The following CFAP58 variants were observed in gnomAD, a reference collection of about 807,000 sequenced individuals.
CFAP58 encodes cilia- and flagella-associated protein 58.
Under a neutral mutation model 119.5 loss-of-function variants are expected in CFAP58, and 88 were observed. The observed-to-expected ratio is 0.74, with a 90% CI of 0.62 to 0.88. The LOEUF is 0.88. Among genes scored for constraint, CFAP58 ranks in the 40% least tolerant of loss-of-function variants. The pLI, the probability that CFAP58 is intolerant of heterozygous loss-of-function variation, is 0.00. For missense variants in CFAP58, 990 were observed against 1,021.2 expected, an observed-to-expected ratio of 0.97 and a Z score of 0.42; for synonymous variants, 365 against 366.3, an observed-to-expected ratio of 1.00 and a Z score of 0.04.
chr10:104,449,058 G>A (rs1396359985), intron 16 of CFAP58, among the ~76,000 whole-genome samples: 1 of 152,044 alleles, frequency 6.6e-6, no homozygotes, highest in Admixed American at 6.6e-5. Context: ...TACTGAGCAT[G>A]TCTGCCAGTT....
rs375396802 is a variant in CFAP58, at chr10:104,399,467, G to A, written c.1782G>A (p.Gly594=). The part of the protein sequence containing the change: ...KLLRIIAEAD[G]ERLRQKKELD... ...TGCGAATAATTGCTGAGGCTGACGG[G>A]GAGAGGTTGAGACAGAAGAAGGAAT... The change falls in exon 12 of 18, where the codon GGG becomes GGA. Residue 594 remains glycine (G), a synonymous_variant. Coordinates refer to ENST00000369704, the MANE Select transcript of CFAP58 (RefSeq NM_001008723.2). The A allele has an allele frequency of 1.2e-6, 2 of 1,613,778 alleles. No individual in the cohort carries two copies. Among genetic ancestry groups the A allele is most frequent in the Non-Finnish European group, 1.7e-6 (2 of 1,179,882 alleles).
In CFAP58 at chr10:104,358,496, C is replaced by G; in HGVS notation, c.165C>G (p.Asp55Glu). The change falls in exon 2 of 18, where the codon GAC (aspartate) becomes GAG (glutamate). Residue 55 changes from aspartate to glutamate, a missense_variant. Physicochemically the swap from Asp to Glu is conservative, Grantham distance 45. Transcript: ENST00000369704. ...RLHAVMKKSYDNEKRLMAKCR... is the reference protein window; with the variant it reads ...RLHAVMKKSYENEKRLMAKCR... The stretch of plus-strand genomic sequence containing the variant: ...ATGCTGTCATGAAAAAGTCTTATGA[C>G]AATGAAAAGCGTCTGATGGCCAAAT... The G allele has an allele frequency of 6.2e-7, 1 of 1,614,050 alleles. No individual in the cohort carries two copies. Among genetic ancestry groups the G allele is most frequent in the African/African-American group, 1.3e-5 (1 of 74,998 alleles).
At chr10:104,348,931 CCA>C (rs1332963385), upstream of CFAP58, among the ~76,000 whole-genome samples, 1 of 152,066 alleles carries the variant, frequency 6.6e-6, no homozygotes, top group Non-Finnish European at 1.5e-5. Context: ...TAACAAAATA[CCA>C]CAGACTGGGT....
chr10:104,447,825 G>A lies in CFAP58; in HGVS notation c.2376+8G>A, dbSNP rs1467744907. 6.2e-7 allele frequency: 1 copy of A among 1,607,138 alleles called. No homozygotes were observed. The highest frequency in any genetic ancestry group is 2.2e-5 in the East Asian group (1 of 44,656). On this transcript the variant is annotated splice_region_variant and intron_variant, in intron 16 of 17. Transcript: ENST00000369704. The stretch of plus-strand genomic sequence containing the variant: ...AAGAAGCAGCAGCTGAAAGTAAGTG[G>A]TAGCCCCTGTTCCTTCCGGGTTCCA...
chr10:104,450,315 A>G lies in CFAP58; in HGVS notation c.2510+111A>G, dbSNP rs2013174469. On this transcript the variant is annotated intron_variant, in intron 17 of 17. Coordinates refer to ENST00000369704, the MANE Select transcript of CFAP58 (RefSeq NM_001008723.2). Reference sequence around the variant, plus strand: ...GTTTCACTGGGGTAAACTAAATCACAGGGTAAACAAATGACATTCTACAGG... The same window carrying G: ...GTTTCACTGGGGTAAACTAAATCACGGGGTAAACAAATGACATTCTACAGG... 1.8e-5 allele frequency: 20 copies of G among 1,115,018 alleles called. No individual in the cohort carries two copies. The South Asian group carries it at 2.5e-4, about 14-fold the overall frequency. 69.1% of individuals were successfully genotyped at this position (1,115,018 alleles called of 1,614,324 possible). A position where few individuals can be genotyped will look rare whatever the true frequency, so the allele number is the denominator to read the frequency against.
chr10:104,364,980 A>C (rs1252275035), intron 4 of CFAP58, 91 bp downstream of exon 4: 2 of 1,353,582 alleles, frequency 1.5e-6, no homozygotes, highest in South Asian at 2.7e-5. Context: ...TCCTTTCTCA[A>C]ATTTACCCCC....
At position 104,378,146 on chromosome 10, in the gene CFAP58, G is replaced by A. The variant is rs182050437; in HGVS notation, c.1173+1253G>A. 1.6e-3 allele frequency among the ~76,000 whole-genome samples: 248 copies of A among 152,176 alleles called. 1 individual carries two copies. Among genetic ancestry groups the A allele is most frequent in the Admixed American group, 3.1e-3 (47 of 15,280 alleles). ...ATTTCCTGGCCTTTGTATTCTTAGT[G>A]CCTAGCACAGCACCCAACTCTGCAG... is the stretch of plus-strand genomic sequence containing the variant. On this transcript the variant is annotated intron_variant, in intron 8 of 17. Coordinates refer to ENST00000369704, the MANE Select transcript of CFAP58 (RefSeq NM_001008723.2).
At chr10:104,340,497 C>T in the CFAP58 span, among the ~76,000 whole-genome samples, 2 of 152,192 alleles carry the variant, frequency 1.3e-5, no homozygotes, top group African/African-American at 4.8e-5. Context: ...CTGGAACCCT[C>T]ATGTCTGGAT....
At chr10:104,382,391 AT>A in intron 9 of CFAP58, 1 of 523,664 alleles carries the variant, frequency 1.9e-6, no homozygotes, top group Non-Finnish European at 3.5e-6. Flanking sequence ...CTTCTTCCTG[AT>A]AAGCAATTTC....
At chr10:104,348,875 A>C (rs1464967233), upstream of CFAP58, among the ~76,000 whole-genome samples, 1 of 152,226 alleles carries the variant, frequency 6.6e-6, no homozygotes, top group Non-Finnish European at 1.5e-5. Flanking sequence ...ACAGTTACTT[A>C]TACAGCAGAG....
rs1016794157 is a variant in CFAP58, at chr10:104,403,926, C to G, written c.2151+86C>G. On this transcript the variant is annotated intron_variant, in intron 14 of 17. Coordinates refer to ENST00000369704, the MANE Select transcript of CFAP58 (RefSeq NM_001008723.2). ...TTCTAACCTAAAGCACAATGAGAAG[C>G]GAGGTTTTATTTAATGCTATGCAAA... The G allele has an allele frequency of 6.6e-6, 5 of 762,746 alleles. No homozygotes were observed. The East Asian group carries it at 8.2e-5, about 13-fold the overall frequency. The allele number at this position is 762,746 out of a possible 1,614,324, so 47.2% of individuals were successfully genotyped here.
intron 1 of CFAP58, among the ~76,000 whole-genome samples, chr10:104,358,068 C>CACAT (rs2014614638): frequency 7.2e-6 from 1 of 139,198 alleles, no homozygotes; most frequent in Non-Finnish European, 1.5e-5. Context: ...CATATATACA[C>CACAT]ATATGTACAT....
At chr10:104,441,056 G>A (rs1424074040) in intron 15 of CFAP58, among the ~76,000 whole-genome samples, 1 of 152,232 alleles carries the variant, frequency 6.6e-6, no homozygotes, top group Non-Finnish European at 1.5e-5. Flanking sequence ...AGGCTGGAGT[G>A]CAGTGGAGCA....
intron 11 of CFAP58, among the ~76,000 whole-genome samples, chr10:104,396,314 T>A (rs1564890973): frequency 6.7e-6 from 1 of 150,350 alleles, no homozygotes; most frequent in African/African-American, 2.4e-5. Flanking sequence ...CAGGGCACCA[T>A]ATTCTTTTAC....
the CFAP58 span, among the ~76,000 whole-genome samples, chr10:104,338,996 C>T: frequency 2.6e-5 from 4 of 151,940 alleles, no homozygotes; most frequent in African/African-American, 9.7e-5. Flanking sequence ...GCAACCTCCG[C>T]CTCCCGGGTT....
Position 104,364,920 on chromosome 10 carries a change from TTTCC to T in CFAP58, c.597+36_597+39del, listed in dbSNP as rs540711905. On this transcript the variant is annotated intron_variant, in intron 4 of 17. Transcript: ENST00000369704. ...CCATGGAGGGCAAGAAGAAGGAATA[TTTCC>T]TTCCAGAGGATGTTTGTCCCTCCAC... 150 of 1,597,928 alleles carry T rather than the reference TTTCC, an allele frequency of 9.4e-5. No homozygotes were observed. The South Asian group carries it at 1.6e-3, about 17-fold the overall frequency.
rs753867814 is a variant in CFAP58, at chr10:104,392,217, T to C, written c.1366-16T>C. ...TGGGCTATTTAACCACATTCATATA[T>C]GTCTTTCTCCTCCAGGTCCTTATGA... On this transcript the variant is annotated splice_polypyrimidine_tract_variant and intron_variant, in intron 9 of 17. Coordinates refer to ENST00000369704, the MANE Select transcript of CFAP58 (RefSeq NM_001008723.2). 3.7e-6 allele frequency: 6 copies of C among 1,607,182 alleles called. No homozygotes were observed. The Admixed American group carries it at 1.0e-4, about 27-fold the overall frequency.
intron 15 of CFAP58, among the ~76,000 whole-genome samples, chr10:104,411,318 T>C (rs2012456601): frequency 1.3e-5 from 2 of 152,230 alleles, no homozygotes; most frequent in African/African-American, 4.8e-5. Context: ...AGACTCTTTT[T>C]CACATATGCC....
the CFAP58 span, among the ~76,000 whole-genome samples, chr10:104,339,014 T>C: frequency 1.3e-5 from 2 of 151,904 alleles, no homozygotes; most frequent in Non-Finnish European, 2.9e-5. Context: ...GTTCGAGCGA[T>C]TCTCCTGCCT....
Sources: allele counts gnomAD v4.1 joint callset (sites outside exome capture counted in the v4.1 genomes callset), GRCh38; gene constraint gnomAD v4.1.1; transcripts MANE v1.5; gene names NCBI Gene and HGNC (gene_info 2026-07-23, HGNC 2026-07-21).